The following ACBD6 variants were observed in gnomAD, a reference collection of about 807,000 sequenced individuals.
The protein encoded by ACBD6 is acyl-CoA binding domain containing 6, also known as acyl-CoA-binding domain-containing protein 6.
A neutral mutation model predicts 37.2 loss-of-function variants in ACBD6; 28 were observed. The ratio of observed to expected loss-of-function variants is 0.75; its 90% CI spans 0.56 to 1.03. The LOEUF is 1.03. ACBD6 is among the 50% of genes least tolerant of loss of function. The pLI is 0.00. For missense variants in ACBD6, 340 were observed against 337.4 expected (o/e 1.01, Z -0.06); for synonymous variants, 113 against 126.8 (o/e 0.89, Z 0.73).
At chr1:180,275,949 A>C (rs1267665783) in intron 9 of ACBD6, 1 of 152,332 alleles carries the variant, frequency 6.6e-6, no homozygotes, top group East Asian at 1.9e-4. Context: ...CTCCTGCGAC[A>C]GACTGCACTG....
In ACBD6 at chr1:180,381,442, C is replaced by A. The variant is rs575328487; in HGVS notation, c.663+16074G>T. Among the ~76,000 whole-genome samples the A allele has an allele frequency of 3.3e-5, 5 of 152,292 alleles. No homozygotes were observed. The South Asian group carries it at 1.0e-3, about 32-fold the overall frequency. ...TCTTCTCATCAGCATGCAGAAAATT[C>A]TCCAGGACAGACCATACATTAGGTC... is the stretch of plus-strand genomic sequence containing the variant. On this transcript the variant is annotated intron_variant, in intron 6 of 7. Coordinates refer to ENST00000367595, the MANE Select transcript of ACBD6 (RefSeq NM_032360.4).
intron 3 of ACBD6, chr1:180,435,585 C>T (rs1359013511): frequency 3.8e-6 from 4 of 1,057,308 alleles, no homozygotes; most frequent in African/African-American, 1.6e-5. Flanking sequence ...TCCCGAGTAA[C>T]CCAGAGCAAC....
At chr1:180,362,963 T>C (rs1293937381) in intron 6 of ACBD6, among the ~76,000 whole-genome samples, 1 of 152,234 alleles carries the variant, frequency 6.6e-6, no homozygotes, top group Non-Finnish European at 1.5e-5. Context: ...GAAACTTTAA[T>C]ATTCTCTTTG....
chr1:180,479,195 T>C (rs1006640769), intron 3 of ACBD6, among the ~76,000 whole-genome samples: 2 of 152,178 alleles, frequency 1.3e-5, no homozygotes, highest in Non-Finnish European at 2.9e-5. Flanking sequence ...AATCAATACT[T>C]GCATGCTTAT....
chr1:180,276,686 A>G (rs1649048092), intron 9 of ACBD6: 1 of 152,172 alleles, frequency 6.6e-6, no homozygotes, highest in Non-Finnish European at 1.5e-5. Flanking sequence ...ACACAGGAGA[A>G]AAGGCTCTGC....
At chr1:180,490,548 G>T (rs1424244294) in intron 3 of ACBD6, among the ~76,000 whole-genome samples, 1 of 151,656 alleles carries the variant, frequency 6.6e-6, no homozygotes, top group Non-Finnish European at 1.5e-5. Context: ...GGCCGAGGCG[G>T]GCAGATCACG....
intron 6 of ACBD6, among the ~76,000 whole-genome samples, chr1:180,368,729 T>C (rs1459358689): frequency 6.6e-6 from 1 of 151,030 alleles, no homozygotes; most frequent in Non-Finnish European, 1.5e-5. Context: ...TATATATATA[T>C]ATATGTTTAA....
chr1:180,358,039 A>G lies in ACBD6; in HGVS notation c.663+39477T>C, dbSNP rs74132471. ...ATGCTGGAAAGTATGGTAGCCATTA[A>G]AAAGAAAAATTCCTTGAAAGTCATG... On this transcript the variant is annotated intron_variant, in intron 6 of 7. Coordinates refer to ENST00000367595, the MANE Select transcript of ACBD6 (RefSeq NM_032360.4). Among the ~76,000 whole-genome samples the G allele has an allele frequency of 6.6e-3, 1,013 of 152,342 alleles. 17 individuals carry two copies. The highest frequency in any genetic ancestry group is 0.023 in the African/African-American group (967 of 41,558).
chr1:180,400,643 AT>A (rs1235454108), intron 5 of ACBD6, among the ~76,000 whole-genome samples: 1 of 152,190 alleles, frequency 6.6e-6, no homozygotes, highest in Non-Finnish European at 1.5e-5. Flanking sequence ...GGTGTCTGTG[AT>A]ACCTTTTACT....
intron 6 of ACBD6, among the ~76,000 whole-genome samples, chr1:180,337,823 A>C (rs1219950563): frequency 6.6e-6 from 1 of 152,204 alleles, no homozygotes; most frequent in Non-Finnish European, 1.5e-5. Context: ...GTACAAAATC[A>C]ATGTGCAAAA....
At chr1:180,414,273 C>T (rs1207412800) in intron 4 of ACBD6, among the ~76,000 whole-genome samples, 6 of 152,182 alleles carry the variant, frequency 3.9e-5, no homozygotes, top group South Asian at 2.1e-4. Context: ...AATCAAACTG[C>T]CCCATATGTG....
At chr1:180,314,449 T>C (rs1225293834) in intron 7 of ACBD6, among the ~76,000 whole-genome samples, 1 of 152,204 alleles carries the variant, frequency 6.6e-6, no homozygotes, top group Non-Finnish European at 1.5e-5. Flanking sequence ...TTCAGCATGT[T>C]GGCCAGGCTG....
intron 3 of ACBD6, among the ~76,000 whole-genome samples, chr1:180,454,574 C>T (rs545792866): frequency 1.8e-4 from 28 of 152,188 alleles, no homozygotes; most frequent in African/African-American, 6.5e-4. Context: ...AAACTATCAT[C>T]AGAGTGAAGA....
chr1:180,281,624 C>T (rs1649310715), intron 8 of ACBD6, among the ~76,000 whole-genome samples: 1 of 152,140 alleles, frequency 6.6e-6, no homozygotes, highest in South Asian at 2.1e-4. Flanking sequence ...TTCCTAGTGC[C>T]TTTCTTCATA....
intron 6 of ACBD6, among the ~76,000 whole-genome samples, chr1:180,380,238 G>A (rs1286494756): frequency 1.3e-5 from 2 of 151,698 alleles, no homozygotes; most frequent in African/African-American, 4.8e-5. Flanking sequence ...GACACAGTGA[G>A]ATCATGTGGC....
intron 6 of ACBD6, among the ~76,000 whole-genome samples, chr1:180,375,540 G>A (rs1653400446): frequency 6.6e-6 from 1 of 152,142 alleles, no homozygotes; most frequent in Non-Finnish European, 1.5e-5. Context: ...TGTGCAGGCT[G>A]TTCTTGAGCT....
At chr1:180,473,616 C>T (rs1650661025) in intron 3 of ACBD6, among the ~76,000 whole-genome samples, 1 of 152,010 alleles carries the variant, frequency 6.6e-6, no homozygotes, top group South Asian at 2.1e-4. Flanking sequence ...GATAAATTGT[C>T]CACACATTTT....
intron 6 of ACBD6, among the ~76,000 whole-genome samples, chr1:180,390,873 A>C (rs1654047651): frequency 6.6e-6 from 1 of 152,210 alleles, no homozygotes; most frequent in Non-Finnish European, 1.5e-5. Context: ...GGCCCAGAAT[A>C]GCCAAAACAA....
chr1:180,295,609 CTG>C, intron 7 of ACBD6, among the ~76,000 whole-genome samples: 1 of 152,012 alleles, frequency 6.6e-6, no homozygotes, highest in East Asian at 1.9e-4. Context: ...TTTTGTGTCT[CTG>C]TGTCACACTG....
Sources: allele counts gnomAD v4.1 joint callset (sites outside exome capture counted in the v4.1 genomes callset), GRCh38; gene constraint gnomAD v4.1.1; transcripts MANE v1.5; gene names NCBI Gene and HGNC (gene_info 2026-07-23, HGNC 2026-07-21).